Variants in GIMAP2 observed in about 807,000 individuals in gnomAD.
GIMAP2 encodes the protein GTPase IMAP family member 2.
GIMAP2 carries 22 observed loss-of-function variants against 25.5 expected under a neutral mutation model. The observed-to-expected ratio is 0.86, with a 90% CI of 0.62 to 1.23. GIMAP2 has a LOEUF of 1.23. Ranked by LOEUF, GIMAP2 falls within the 50% of genes most tolerant of loss-of-function variation. The pLI, the probability that GIMAP2 is intolerant of heterozygous loss-of-function variation, is 0.00. For synonymous variants in GIMAP2, 167 were observed against 143.0 expected, an observed-to-expected ratio of 1.17 and a Z score of -1.20; for missense variants, 422 against 395.7, an observed-to-expected ratio of 1.07 and a Z score of -0.56.
chr7:150,686,740 T>TCG (rs1796903891), intron 1 of GIMAP2, among the ~76,000 whole-genome samples: 1 of 151,802 alleles, frequency 6.6e-6, no homozygotes, highest in Non-Finnish European at 1.5e-5. Context: ...GGTCAGGAGT[T>TCG]TGAGACCAGC....
At chr7:150,688,026 G>A (rs1014146986) in intron 2 of GIMAP2, among the ~76,000 whole-genome samples, 5 of 152,136 alleles carry the variant, frequency 3.3e-5, no homozygotes, top group Admixed American at 2.6e-4. Context: ...ATTGTGTATG[G>A]AACTTGTTTA....
At chr7:150,686,943 C>CAAAAAAAAAAAAAAAAA in intron 1 of GIMAP2, 109 bp from the exon 2 acceptor site, 1 of 483,906 alleles carries the variant, frequency 2.1e-6, no homozygotes, top group South Asian at 2.3e-5. Context: ...AACTGTGTCT[C>CAAAAAAAAAAAAAAAAA]AAAAAAAAAA....
chr7:150,690,762 C>A (rs1796958201), intron 2 of GIMAP2, among the ~76,000 whole-genome samples: 2 of 152,168 alleles, frequency 1.3e-5, no homozygotes, highest in African/African-American at 4.8e-5. Context: ...TGGAGTAAAC[C>A]ATCATCTTCT....
intron 2 of GIMAP2, among the ~76,000 whole-genome samples, chr7:150,691,031 G>C (rs1796960733): frequency 6.6e-6 from 1 of 152,212 alleles, no homozygotes; most frequent in Non-Finnish European, 1.5e-5. Context: ...AATGAGCTTA[G>C]CAGGAGAGTC....
chr7:150,687,793 C>A lies in GIMAP2; in HGVS notation c.28+706C>A, dbSNP rs951222400. On this transcript the variant is annotated intron_variant, in intron 2 of 2. Coordinates refer to ENST00000223293, the MANE Select transcript of GIMAP2 (RefSeq NM_015660.3). Reference sequence around the variant, plus strand: ...ATTCCCTTCTCTTCCCTTGTCCTTTCTCTCTCTCTCCTCTTCTTGCACCTG... The same window carrying A: ...ATTCCCTTCTCTTCCCTTGTCCTTTATCTCTCTCTCCTCTTCTTGCACCTG... 2.0e-5 allele frequency among the ~76,000 whole-genome samples: 3 copies of A among 151,330 alleles called. No homozygotes were observed. In the South Asian group the frequency reaches 6.3e-4, roughly 32 times the overall value.
At position 150,693,452 on chromosome 7, in the gene GIMAP2, G is replaced by A. The variant is rs910087336; in HGVS notation, c.*152G>A. 6.6e-5 allele frequency: 36 copies of A among 545,506 alleles called. No individual in the cohort carries two copies. Among genetic ancestry groups the A allele is most frequent in the Admixed American group, 1.1e-4 (3 of 27,260 alleles). 33.8% of individuals were successfully genotyped at this position (545,506 alleles called of 1,614,324 possible). A position where few individuals can be genotyped will look rare whatever the true frequency, so the allele number is the denominator to read the frequency against. On this transcript the variant is annotated 3_prime_UTR_variant, in exon 3 of 3. Coordinates refer to ENST00000223293, the MANE Select transcript of GIMAP2 (RefSeq NM_015660.3). Reference sequence around the variant, plus strand: ...CAATTATTAATGAACCAAATCATACGATAAGTTACTGTTTGCATTGAAATA... The same window carrying A: ...CAATTATTAATGAACCAAATCATACAATAAGTTACTGTTTGCATTGAAATA...
intron 1 of GIMAP2, among the ~76,000 whole-genome samples, chr7:150,686,581 A>AG (rs1277152348): frequency 6.6e-6 from 1 of 152,206 alleles, no homozygotes; most frequent in East Asian, 1.9e-4. Context: ...TCTGTAAAGT[A>AG]GGAAGTCATT....
chr7:150,692,650 G>A lies in GIMAP2; in HGVS notation c.364G>A (p.Asp122Asn), dbSNP rs1175865620. 2 of 1,614,212 alleles carry A rather than the reference G, an allele frequency of 1.2e-6. No homozygotes were observed. Among genetic ancestry groups the A allele is most frequent in the South Asian group, 1.1e-5 (1 of 91,082 alleles). The part of the protein sequence containing the change: ...VTQLGRYTSQ[D>N]QQAAQRVKEI... ...TCAGCTGGGCCGCTATACCTCACAGGACCAGCAGGCTGCACAGAGGGTGAA... is the reference window on the plus strand; with the variant it reads ...TCAGCTGGGCCGCTATACCTCACAGAACCAGCAGGCTGCACAGAGGGTGAA... The change falls in exon 3 of 3, where the codon GAC becomes AAC. Residue 122 changes from aspartate to asparagine, a missense_variant. Asp to Asn is a conservative substitution (Grantham distance 23, BLOSUM62 1). Coordinates refer to ENST00000223293, the MANE Select transcript of GIMAP2 (RefSeq NM_015660.3).
chr7:150,691,333 T>C (rs1796963814), intron 2 of GIMAP2, among the ~76,000 whole-genome samples: 1 of 152,158 alleles, frequency 6.6e-6, no homozygotes, highest in Non-Finnish European at 1.5e-5. Flanking sequence ...CTGAAACACA[T>C]TTTTTCCCTA....
chr7:150,690,712 T>C (rs944884576), intron 2 of GIMAP2, among the ~76,000 whole-genome samples: 2 of 152,224 alleles, frequency 1.3e-5, no homozygotes, highest in African/African-American at 4.8e-5. Flanking sequence ...TTAAGTTCTT[T>C]ACATATATTA....
In GIMAP2 at chr7:150,693,240, A is replaced by G; in HGVS notation, c.954A>G (p.Lys318=). ...LFCSLLFIIP[K]KLMIFLRTVI... is the part of the protein sequence containing the mutation. The stretch of plus-strand genomic sequence containing the variant: ...GCAGTTTGCTGTTTATTATACCCAA[A>G]AAGTTAATGATATTTTTGAGAACAG... The change falls in exon 3 of 3, where the codon AAA becomes AAG. Residue 318 remains lysine, a synonymous_variant. Transcript: ENST00000223293. The G allele has an allele frequency of 6.2e-7, 1 of 1,602,194 alleles. No individual in the cohort carries two copies. Among genetic ancestry groups the G allele is most frequent in the Non-Finnish European group, 8.5e-7 (1 of 1,175,824 alleles).
At chr7:150,686,970 A>G in intron 1 of GIMAP2, 82 bp from the exon 2 acceptor site, 1 of 1,007,890 alleles carries the variant, frequency 9.9e-7, no homozygotes, top group East Asian at 2.6e-5. Context: ...AAAAGAAAGA[A>G]AGAAAAAGAA....
chr7:150,692,062 CAAA>C (rs36051941), intron 2 of GIMAP2, among the ~76,000 whole-genome samples: 1 of 144,474 alleles, frequency 6.9e-6, no homozygotes, highest in Non-Finnish European at 1.5e-5. Context: ...CTAAAACTAC[CAAA>C]AAAAAAAAAA....
intron 2 of GIMAP2, among the ~76,000 whole-genome samples, chr7:150,688,316 A>T (rs1796926240): frequency 6.6e-6 from 1 of 152,050 alleles, no homozygotes; most frequent in Non-Finnish European, 1.5e-5. Flanking sequence ...TTTTTAGTAG[A>T]GACAGGGTTT....
At chr7:150,689,428 C>A in intron 2 of GIMAP2, 1 of 690,444 alleles carries the variant, frequency 1.4e-6, no homozygotes, top group Non-Finnish European at 2.7e-6. Context: ...CCCTAGGAGG[C>A]CAGCAACTCA....
intron 2 of GIMAP2, 91 bp from the exon 3 acceptor site, chr7:150,692,224 C>CAA (rs368597010): frequency 2.7e-5 from 29 of 1,092,590 alleles, no homozygotes; most frequent in African/African-American, 5.1e-5. Context: ...GACTCCGTCT[C>CAA]AAAAAAAAAA....
chr7:150,693,470 T>A lies in GIMAP2; in HGVS notation c.*170T>A. 1.9e-6 allele frequency: 1 copy of A among 514,324 alleles called. No homozygotes were observed. The highest frequency in any genetic ancestry group is 3.4e-6 in the Non-Finnish European group (1 of 296,398). 31.9% of individuals were successfully genotyped at this position (514,324 alleles called of 1,614,324 possible). On this transcript the variant is annotated 3_prime_UTR_variant, in exon 3 of 3. Coordinates refer to ENST00000223293, the MANE Select transcript of GIMAP2 (RefSeq NM_015660.3). The stretch of plus-strand genomic sequence containing the variant: ...ATCATACGATAAGTTACTGTTTGCA[T>A]TGAAATATAATATCAAAGCCTTTTG...
Position 150,693,205 on chromosome 7 carries a change from A to G in GIMAP2, c.919A>G (p.Asn307Asp). Residue 307 changes from asparagine (N) to aspartate (D), a missense_variant, in exon 3 of 3, where the codon AAT (asparagine) becomes GAT (aspartate). Coordinates refer to ENST00000223293, the MANE Select transcript of GIMAP2 (RefSeq NM_015660.3). ...LFCCLLFSMC[N>D]LFCSLLFIIP... ...TTGTTGCTTACTCTTTAGTATGTGC[A>G]ATTTATTCTGCAGTTTGCTGTTTAT... is the stretch of plus-strand genomic sequence containing the variant. 6.2e-7 allele frequency: 1 copy of G among 1,611,220 alleles called. No individual in the cohort carries two copies. Among genetic ancestry groups the G allele is most frequent in the Non-Finnish European group, 8.5e-7 (1 of 1,178,398 alleles).
chr7:150,689,180 C>A (rs974720826), intron 2 of GIMAP2, among the ~76,000 whole-genome samples: 6 of 152,218 alleles, frequency 3.9e-5, no homozygotes, highest in African/African-American at 1.4e-4. Flanking sequence ...CTTCAGGTTA[C>A]ATCTAACTCC....
Sources: allele counts gnomAD v4.1 joint callset (sites outside exome capture counted in the v4.1 genomes callset), GRCh38; gene constraint gnomAD v4.1.1; transcripts MANE v1.5; gene names NCBI Gene and HGNC (gene_info 2026-07-23, HGNC 2026-07-21).